Variants in ANKRD6 observed in about 807,000 individuals in gnomAD.
ANKRD6 encodes ankyrin repeat domain-containing protein 6.
Under a neutral mutation model 82.3 loss-of-function variants are expected in ANKRD6, and 56 were observed. The observed-to-expected ratio is 0.68, with a 90% CI of 0.55 to 0.85. ANKRD6 has a LOEUF of 0.85. Ranked by LOEUF, ANKRD6 falls within the 40% of genes least tolerant of loss-of-function variation. The probability of loss-of-function intolerance (pLI) is 0.00; values close to 1 mark genes in which losing one functional copy is unlikely to be tolerated. For synonymous variants in ANKRD6, 347 were observed against 352.1 expected, an observed-to-expected ratio of 0.99 and a Z score of 0.16; for missense variants, 852 against 907.6, an observed-to-expected ratio of 0.94 and a Z score of 0.79.
intron 1 of ANKRD6, chr6:89,561,601 T>G (rs1003497338): frequency 1.3e-5 from 2 of 152,240 alleles, no homozygotes; most frequent in Admixed American, 1.3e-4. Flanking sequence ...TTCTGGCAAC[T>G]GGACTTTTGG....
intron 10 of ANKRD6, among the ~76,000 whole-genome samples, chr6:89,623,035 AGG>A (rs71024387): frequency 8.9e-5 from 5 of 56,368 alleles, no homozygotes; most frequent in Non-Finnish European, 1.4e-4. Flanking sequence ...GGGGGGCGGG[AGG>A]GGGGCTGCAT....
chr6:89,487,721 C>T (rs1397079692), intron 1 of ANKRD6, among the ~76,000 whole-genome samples: 3 of 152,164 alleles, frequency 2.0e-5, no homozygotes, highest in African/African-American at 7.2e-5. Flanking sequence ...TTCACCTGTG[C>T]TTCACCTTCT....
chr6:89,507,411 A>G (rs1294301939), intron 1 of ANKRD6, among the ~76,000 whole-genome samples: 1 of 152,246 alleles, frequency 6.6e-6, no homozygotes, highest in Non-Finnish European at 1.5e-5. Flanking sequence ...TGGTCTTACC[A>G]GTCTGATTTC....
chr6:89,448,954 T>C (rs1306714882), intron 1 of ANKRD6, among the ~76,000 whole-genome samples: 3 of 135,218 alleles, frequency 2.2e-5, no homozygotes, highest in African/African-American at 8.6e-5. Context: ...GGCATGAACC[T>C]GGGAGGCGGA....
intron 4 of ANKRD6, among the ~76,000 whole-genome samples, chr6:89,603,595 G>C (rs1426380357): frequency 6.6e-6 from 1 of 152,184 alleles, no homozygotes; most frequent in East Asian, 1.9e-4. Flanking sequence ...GTAGGCCTGG[G>C]TCGGGGGGGT....
intron 1 of ANKRD6, among the ~76,000 whole-genome samples, chr6:89,524,075 A>G (rs1782179234): frequency 6.6e-6 from 1 of 152,178 alleles, no homozygotes; most frequent in Non-Finnish European, 1.5e-5. Context: ...TTGGCAGGAA[A>G]GGAAAGGGCC....
At chr6:89,611,159 C>G (rs1178636104) in intron 5 of ANKRD6, among the ~76,000 whole-genome samples, 1 of 144,036 alleles carries the variant, frequency 6.9e-6, no homozygotes, top group Non-Finnish European at 1.5e-5. Flanking sequence ...TGGCCGCATC[C>G]AGTATTCCTC....
intron 1 of ANKRD6, among the ~76,000 whole-genome samples, chr6:89,475,951 A>G (rs980943208): frequency 3.9e-5 from 6 of 152,200 alleles, no homozygotes; most frequent in African/African-American, 9.6e-5. Context: ...GATTCTTGGT[A>G]TGGCTATAAG....
chr6:89,542,556 C>G (rs182774176), intron 1 of ANKRD6, among the ~76,000 whole-genome samples: 2 of 152,180 alleles, frequency 1.3e-5, no homozygotes. Context: ...AAAACCAAGT[C>G]CTTTGACATT....
At chr6:89,463,999 C>T (rs1450334973) in intron 1 of ANKRD6, among the ~76,000 whole-genome samples, 1 of 152,176 alleles carries the variant, frequency 6.6e-6, no homozygotes, top group Non-Finnish European at 1.5e-5. Context: ...TGTATATCTG[C>T]GTACTGGACA....
chr6:89,631,175 G>A lies in ANKRD6; in HGVS notation c.*171G>A, dbSNP rs188532311. The A allele has an allele frequency of 6.5e-6, 8 of 1,224,352 alleles. No individual in the cohort carries two copies. The African/African-American group carries it at 1.2e-4, about 19-fold the overall frequency. The allele number at this position is 1,224,352 out of a possible 1,614,324, so 75.8% of individuals were successfully genotyped here. ...ATGTTTCCTATGCCCAGGAAGTTAT[G>A]AAGACTTCAACAATTAAACTGAAAC... On this transcript the variant is annotated 3_prime_UTR_variant, in exon 16 of 16. Coordinates refer to ENST00000339746, the MANE Select transcript of ANKRD6 (RefSeq NM_001242809.2).
intron 1 of ANKRD6, among the ~76,000 whole-genome samples, chr6:89,535,952 A>C (rs1783772153): frequency 6.6e-6 from 1 of 152,206 alleles, no homozygotes; most frequent in Admixed American, 6.5e-5. Context: ...ATCACAGGCC[A>C]GGTGTGGTGG....
intron 8 of ANKRD6, 23 bp downstream of exon 8, chr6:89,616,680 T>A (rs763452895): frequency 1.9e-6 from 3 of 1,611,294 alleles, no homozygotes; most frequent in East Asian, 2.2e-5. Context: ...GCAACATTGC[T>A]TTCTAAAGTG....
rs1795829656 is a variant in ANKRD6 at position 89,596,105 on chromosome 6, G to T, written c.219+91G>T. ...AAAGTGTAAGCTGTGAGATGGGAGG[G>T]TAGTAGATGCTCTCGCAGCACATTT... On this transcript the variant is annotated intron_variant, in intron 3 of 15. Transcript: ENST00000339746. 2.2e-5 allele frequency: 24 copies of T among 1,093,180 alleles called. 1 individual carries two copies. In the South Asian group the frequency reaches 3.1e-4, roughly 14 times the overall value. 67.7% of individuals were successfully genotyped at this position (1,093,180 alleles called of 1,614,324 possible). A position where few individuals can be genotyped will look rare whatever the true frequency, so the allele number is the denominator to read the frequency against.
At chr6:89,628,865 C>T in intron 14 of ANKRD6, 1 of 482,880 alleles carries the variant, frequency 2.1e-6, no homozygotes, top group Non-Finnish European at 3.8e-6. Flanking sequence ...CATTCACCCC[C>T]TTGACACAAA....
At chr6:89,449,938 A>G (rs1230908286) in intron 1 of ANKRD6, among the ~76,000 whole-genome samples, 1 of 152,218 alleles carries the variant, frequency 6.6e-6, no homozygotes, top group African/African-American at 2.4e-5. Context: ...AAATTAGTTG[A>G]TAAAGCAACC....
intron 1 of ANKRD6, among the ~76,000 whole-genome samples, chr6:89,512,587 C>T (rs556402946): frequency 6.6e-6 from 1 of 152,308 alleles, no homozygotes; most frequent in East Asian, 1.9e-4. Flanking sequence ...GCACAAGGAG[C>T]AGCATCTGTG....
At position 89,579,756 on chromosome 6, in the gene ANKRD6, CAAA is replaced by C. The variant is rs61159223; in HGVS notation, c.120+12680_120+12682del. Among the ~76,000 whole-genome samples, 6 of 68,508 alleles carry C rather than the reference CAAA, an allele frequency of 8.8e-5. No homozygotes were observed. In the East Asian group the frequency reaches 1.7e-3, roughly 20 times the overall value. The allele number at this position is 68,508 out of a possible 152,430, so 44.9% of individuals were successfully genotyped here. On this transcript the variant is annotated intron_variant, in intron 2 of 15. Coordinates refer to ENST00000339746, the MANE Select transcript of ANKRD6 (RefSeq NM_001242809.2). ...TGGGCCACAGAGCAAGACCCTGTCT[CAAA>C]AAAAAAAAAAAAAAAAAAAGGCTAA... is the stretch of plus-strand genomic sequence containing the variant.
At chr6:89,529,565 C>T (rs865993137) in intron 1 of ANKRD6, among the ~76,000 whole-genome samples, 1 of 152,234 alleles carries the variant, frequency 6.6e-6, no homozygotes, top group South Asian at 2.1e-4. Flanking sequence ...CTTTTCGTTT[C>T]CTTTAAGAAC....
Sources: allele counts gnomAD v4.1 joint callset (sites outside exome capture counted in the v4.1 genomes callset), GRCh38; gene constraint gnomAD v4.1.1; transcripts MANE v1.5; gene names NCBI Gene and HGNC (gene_info 2026-07-23, HGNC 2026-07-21).